The following FRMD6 variants were observed in gnomAD, a reference collection of about 807,000 sequenced individuals.
The protein encoded by FRMD6 is FERM domain-containing protein 6.
Under a neutral mutation model 73.2 loss-of-function variants are expected in FRMD6, and 37 were observed. The ratio of observed to expected loss-of-function variants is 0.51; its 90% confidence interval spans 0.39 to 0.66. The LOEUF (loss-of-function observed/expected upper bound fraction) is 0.66, where lower values mean the gene tolerates loss of function less well. Ranked by LOEUF, FRMD6 falls within the 30% of genes least tolerant of loss-of-function variation. The pLI, the probability that FRMD6 is intolerant of heterozygous loss-of-function variation, is 0.00. For missense variants in FRMD6, 714 were observed against 780.5 expected (o/e 0.91, Z 1.02); for synonymous variants, 273 against 282.2 (o/e 0.97, Z 0.33).
At chr14:51,486,377 G>A (rs1566770781), upstream of FRMD6, among the ~76,000 whole-genome samples, 1 of 152,146 alleles carries the variant, frequency 6.6e-6, no homozygotes, top group African/African-American at 2.4e-5. Flanking sequence ...ATGGACTGAG[G>A]AGGGCTATCT....
chr14:51,542,329 A>G (rs945193325), intron 1 of FRMD6, among the ~76,000 whole-genome samples: 1 of 152,076 alleles, frequency 6.6e-6, no homozygotes, highest in Admixed American at 6.6e-5. Flanking sequence ...ATCTGCTTTC[A>G]GTATCCATGG....
chr14:51,619,004 T>C (rs1890817479), intron 2 of FRMD6, among the ~76,000 whole-genome samples: 1 of 151,618 alleles, frequency 6.6e-6, no homozygotes, highest in Non-Finnish European at 1.5e-5. Flanking sequence ...AAATAATTTG[T>C]TGTAAGACAA....
chr14:51,619,543 C>T (rs1316048301), intron 2 of FRMD6, among the ~76,000 whole-genome samples: 1 of 152,178 alleles, frequency 6.6e-6, no homozygotes, highest in East Asian at 1.9e-4. Context: ...AACCTTCCTA[C>T]ATCACCACCT....
intron 1 of FRMD6, among the ~76,000 whole-genome samples, chr14:51,516,237 G>A (rs1361231055): frequency 2.0e-5 from 3 of 151,602 alleles, no homozygotes; most frequent in Non-Finnish European, 4.4e-5. Flanking sequence ...AAAACAAAAT[G>A]TGTTCCACCT....
At chr14:51,593,105 T>C (rs1889491458) in intron 2 of FRMD6, among the ~76,000 whole-genome samples, 2 of 152,346 alleles carry the variant, frequency 1.3e-5, no homozygotes, top group Non-Finnish European at 1.5e-5. Context: ...TTATTTTTTA[T>C]GGCATCCTGA....
At chr14:51,677,440 T>C (rs1894468250) in intron 1 of FRMD6, among the ~76,000 whole-genome samples, 1 of 152,036 alleles carries the variant, frequency 6.6e-6, no homozygotes, top group African/African-American at 2.4e-5. Context: ...ATCAAAGATT[T>C]CATTGTGGAA....
At chr14:51,655,297 G>A (rs1892739373) in intron 1 of FRMD6, among the ~76,000 whole-genome samples, 1 of 152,196 alleles carries the variant, frequency 6.6e-6, no homozygotes, top group African/African-American at 2.4e-5. Context: ...GAAAGTCTTT[G>A]TATGATTATA....
rs190193728 is a variant in FRMD6 at position 51,720,214 on chromosome 14, C to T, written c.1184C>T (p.Ser395Leu). ...GCCAGCCACAGCAGTTCCCACACCT[C>T]GGGCATTGAGGCAGACACCAAGCCC... ...STASHSSSHT[S>L]GIEADTKPRD... Residue 395 changes from serine (S) to leucine (L), a missense_variant, in exon 11 of 14, where the codon TCG becomes TTG. Transcript: ENST00000344768. 1.2e-5 allele frequency: 20 copies of T among 1,614,040 alleles called. No homozygotes were observed. The African/African-American group carries it at 1.7e-4, about 14-fold the overall frequency.
chr14:51,722,074 C>T lies in FRMD6; in HGVS notation c.1486C>T (p.His496Tyr), dbSNP rs775286889. ...DMLMSRKLNG[H>Y]SGLIVKEIGS... ...GCTCATGTCGCGGAAGCTGAATGGA[C>T]ACTCTGGTGAGCTCTTACGGGAAGT... The change falls in exon 12 of 14, where the codon CAC becomes TAC. Residue 496 changes from histidine (H) to tyrosine (Y), a missense_variant. Physicochemically the swap from His to Tyr is moderately conservative, Grantham distance 83. Coordinates refer to ENST00000344768, the MANE Select transcript of FRMD6 (RefSeq NM_001267046.2). 34 of 1,613,938 alleles carry T rather than the reference C, an allele frequency of 2.1e-5. No homozygotes were observed. The highest frequency in any genetic ancestry group is 3.3e-5 in the Admixed American group (2 of 60,004).
chr14:51,419,802 A>C, the FRMD6 span, among the ~76,000 whole-genome samples: 1 of 152,194 alleles, frequency 6.6e-6, no homozygotes, highest in Non-Finnish European at 1.5e-5. Flanking sequence ...TGGCCATGTG[A>C]GTTCCTTCTC....
At chr14:51,652,068 C>T (rs970140155) in intron 1 of FRMD6, 72 bp downstream of exon 1, 1 of 151,878 alleles carries the variant, frequency 6.6e-6, no homozygotes, top group Non-Finnish European at 1.5e-5. Context: ...CCCGGACGCC[C>T]GCTGTGCCCC....
At chr14:51,491,661 A>T (rs1883010079) in intron 1 of FRMD6, 1 of 152,296 alleles carries the variant, frequency 6.6e-6, no homozygotes, top group African/African-American at 2.4e-5. Flanking sequence ...AAATTTAAAA[A>T]ATGAAACCAA....
chr14:51,698,255 A>T (rs1298937515), intron 3 of FRMD6, 23 bp downstream of exon 3: 2 of 1,541,248 alleles, frequency 1.3e-6, no homozygotes, highest in South Asian at 1.1e-5. Flanking sequence ...GCCCTCTCTG[A>T]TGGATTTAGC....
rs111999447 is a variant in FRMD6, at chr14:51,652,516, G to T, written c.-147+520G>T. 2.4e-3 allele frequency among the ~76,000 whole-genome samples: 372 copies of T among 152,326 alleles called. 3 individuals are homozygous for T. The highest frequency in any genetic ancestry group is 7.9e-3 in the African/African-American group (328 of 41,584). On this transcript the variant is annotated intron_variant, in intron 1 of 13. Coordinates refer to ENST00000344768, the MANE Select transcript of FRMD6 (RefSeq NM_001267046.2). ...CGAGTCCCGCGCTCCCGGGGGCTGC[G>T]CCGTGCCGCCTGTTGTGCGCGCGCA...
At chr14:51,640,892 T>C (rs1407123416) in intron 2 of FRMD6, among the ~76,000 whole-genome samples, 1 of 152,214 alleles carries the variant, frequency 6.6e-6, no homozygotes, top group Non-Finnish European at 1.5e-5. Context: ...ATTTAAGTAA[T>C]GATAATTTTC....
the FRMD6 span, among the ~76,000 whole-genome samples, chr14:51,429,430 T>TTG: frequency 9.2e-4 from 139 of 151,906 alleles, no homozygotes; most frequent in African/African-American, 2.9e-3. Context: ...GAAGATTTTT[T>TTG]TTTGTTTGTT....
chr14:51,537,821 T>G (rs2140358255), intron 1 of FRMD6, among the ~76,000 whole-genome samples: 1 of 152,332 alleles, frequency 6.6e-6, no homozygotes, highest in East Asian at 1.9e-4. Context: ...TGGTGTGGTG[T>G]CTCTTCATCT....
the FRMD6 span, among the ~76,000 whole-genome samples, chr14:51,467,114 G>C: frequency 2.0e-5 from 3 of 152,110 alleles, no homozygotes; most frequent in Non-Finnish European, 4.4e-5. Context: ...GGGCCCTGCC[G>C]CCTTCCGCAG....
chr14:51,573,919 C>T (rs914434609), intron 2 of FRMD6, among the ~76,000 whole-genome samples: 6 of 152,208 alleles, frequency 3.9e-5, no homozygotes, highest in Non-Finnish European at 7.4e-5. Context: ...GGGAAAGAAA[C>T]GAGACAAGAT....
Sources: gnomAD v4.1 joint callset for allele counts (sites outside exome capture counted in the v4.1 genomes callset) on GRCh38, gnomAD v4.1.1 for gene constraint, MANE v1.5 for transcripts, NCBI Gene and HGNC (gene_info 2026-07-23, HGNC 2026-07-21) for gene names.